The following GSN variants were observed in gnomAD, a reference collection of about 807,000 sequenced individuals.
The protein encoded by GSN is actin-depolymerizing factor.
A neutral mutation model predicts 85.7 loss-of-function variants in GSN; 56 were observed. The ratio of observed to expected loss-of-function variants is 0.65; its 90% CI spans 0.53 to 0.82. The LOEUF is 0.82. Among genes scored for constraint, GSN ranks in the 40% least tolerant of loss-of-function variants. GSN has a pLI of 0.00. For synonymous variants in GSN, 373 were observed against 399.1 expected (o/e 0.93, Z 0.78); for missense variants, 857 against 979.8 (o/e 0.87, Z 1.67).
chr9:121,271,268 T>G (rs2055904676), intron 1 of GSN, among the ~76,000 whole-genome samples: 1 of 152,098 alleles, frequency 6.6e-6, no homozygotes, highest in South Asian at 2.1e-4. Flanking sequence ...GTATGAGAAT[T>G]GCTTAAACCC....
At position 121,326,774 on chromosome 9, in the gene GSN, G is replaced by A. The variant is rs114085803; in HGVS notation, c.1587+92G>A. 2.8e-4 allele frequency: 323 copies of A among 1,151,346 alleles called. No homozygotes were observed. In the African/African-American group the frequency reaches 4.4e-3, roughly 16 times the overall value. 71.3% of individuals were successfully genotyped at this position (1,151,346 alleles called of 1,614,324 possible). ...ATCTCCAGGCACAGGAACGGGGGCA[G>A]GGGATGGTGAATGACGGGGTAAGAA... On this transcript the variant is annotated intron_variant, in intron 13 of 17. Coordinates refer to ENST00000432226, the MANE Select transcript of GSN (RefSeq NM_198252.3).
intron 14 of GSN, 169 bp from the exon 15 acceptor site, chr9:121,328,722 T>C: frequency 1.4e-6 from 1 of 729,428 alleles, no homozygotes; most frequent in Admixed American, 2.1e-5. Context: ...TTTCGTCACC[T>C]TCCAATTCCC....
intron 2 of GSN, among the ~76,000 whole-genome samples, chr9:121,297,068 C>T (rs2059289120): frequency 6.6e-6 from 1 of 152,220 alleles, no homozygotes. Flanking sequence ...CAGTTGCTGG[C>T]CCAGGTTCAG....
chr9:121,282,689 T>C (rs1293865365), intron 2 of GSN: 9 of 426,540 alleles, frequency 2.1e-5, no homozygotes, highest in Non-Finnish European at 3.4e-5. Flanking sequence ...GTAGCCCTAG[T>C]GCTGCCCTAA....
chr9:121,243,484 A>G (rs1443605098), intron 5 of GSN, among the ~76,000 whole-genome samples: 3 of 152,228 alleles, frequency 2.0e-5, no homozygotes, highest in Non-Finnish European at 4.4e-5. Flanking sequence ...AGCCTACCAC[A>G]GAGGGAATTT....
At chr9:121,281,897 A>G (rs1156456628) in intron 2 of GSN, 1 of 471,358 alleles carries the variant, frequency 2.1e-6, no homozygotes, top group Non-Finnish European at 4.4e-6. Context: ...ATTCTGTAGA[A>G]GAGCAGAGTC....
Position 121,318,136 on chromosome 9 carries a change from T to G in GSN, c.887-270T>G, listed in dbSNP as rs917121025. 6.6e-6 allele frequency among the ~76,000 whole-genome samples: 1 copy of G among 152,228 alleles called. No homozygotes were observed. Among genetic ancestry groups the G allele is most frequent in the Admixed American group, 6.5e-5 (1 of 15,282 alleles). On this transcript the variant is annotated intron_variant, in intron 8 of 17. Coordinates refer to ENST00000432226, the MANE Select transcript of GSN (RefSeq NM_198252.3). This position sits in a 1 kb window ranked among gnomAD's most constrained non-coding sequence, Gnocchi z 4.3. ...TATTACTTAAGACTATTCTGTGAATTAAATAATCTATGCATAGTTCTAAGC... is the reference window on the plus strand; with the variant it reads ...TATTACTTAAGACTATTCTGTGAATGAAATAATCTATGCATAGTTCTAAGC...
intron 4 of GSN, among the ~76,000 whole-genome samples, chr9:121,216,312 A>C (rs1468212334): frequency 6.6e-6 from 1 of 152,134 alleles, no homozygotes; most frequent in Non-Finnish European, 1.5e-5. Flanking sequence ...AAATCCAACT[A>C]TGTCACTCCC....
chr9:121,318,533 T>G lies in GSN; in HGVS notation c.975+39T>G, dbSNP rs751585030. The G allele has an allele frequency of 6.5e-7, 1 of 1,546,756 alleles. No homozygotes were observed. The highest frequency in any genetic ancestry group is 8.9e-7 in the Non-Finnish European group (1 of 1,118,750). ...GCCAGGTAGGATGGGAAGGGGTGGG[T>G]CCTGTTTGGAGGGGATGGGCTGGAG... is the stretch of plus-strand genomic sequence containing the variant. On this transcript the variant is annotated intron_variant, in intron 9 of 17. Coordinates refer to ENST00000432226, the MANE Select transcript of GSN (RefSeq NM_198252.3). This position sits in a 1 kb window ranked among gnomAD's most constrained non-coding sequence, Gnocchi z 4.3.
chr9:121,286,142 C>T (rs760582929), intron 2 of GSN: 22 of 1,535,488 alleles, frequency 1.4e-5, no homozygotes, highest in East Asian at 1.2e-4. Flanking sequence ...CCCAGCCTCG[C>T]GATGGCCGAG....
At chr9:121,325,255 TATTGG>T (rs1375663203) in intron 12 of GSN, among the ~76,000 whole-genome samples, 1 of 152,224 alleles carries the variant, frequency 6.6e-6, no homozygotes, top group African/African-American at 2.4e-5. Context: ...GGTAGGATCC[TATTGG>T]ATTAGAAAAG....
chr9:121,287,475 G>T (rs2058254356), intron 2 of GSN, among the ~76,000 whole-genome samples: 1 of 152,000 alleles, frequency 6.6e-6, no homozygotes, highest in Non-Finnish European at 1.5e-5. Context: ...GCTAGGGGTG[G>T]GGCCTGGGAA....
chr9:121,210,518 AG>A (rs2053952133), intron 3 of GSN, among the ~76,000 whole-genome samples: 2 of 152,190 alleles, frequency 1.3e-5, no homozygotes, highest in South Asian at 4.1e-4. Flanking sequence ...CAAGAGCCAG[AG>A]AGACAGCCAC....
intron 1 of GSN, among the ~76,000 whole-genome samples, chr9:121,270,651 C>T (rs1020095998): frequency 4.6e-5 from 7 of 152,100 alleles, no homozygotes; most frequent in African/African-American, 7.2e-5. Context: ...CCTCCAAGCC[C>T]GCCTCTTTCC....
chr9:121,304,522 T>C (rs1564491710), intron 4 of GSN, among the ~76,000 whole-genome samples: 1 of 152,374 alleles, frequency 6.6e-6, no homozygotes, highest in East Asian at 1.9e-4. Flanking sequence ...GTTGGAAGGC[T>C]ACCTTCTGTA....
rs947987673 is a variant in GSN, at chr9:121,287,214, C to G, written c.-10+5652C>G. Among the ~76,000 whole-genome samples the G allele has an allele frequency of 3.5e-4, 53 of 152,206 alleles. 1 individual carries two copies. Among genetic ancestry groups the G allele is most frequent in the African/African-American group, 1.0e-3 (42 of 41,546 alleles). On this transcript the variant is annotated intron_variant, in intron 2 of 17. Coordinates refer to ENST00000432226, the MANE Select transcript of GSN (RefSeq NM_198252.3). The stretch of plus-strand genomic sequence containing the variant: ...TCTGTGGGGCCTCTGGGTGACTCAG[C>G]CCTGAGTCACCGGGAGGCTGAGGAC...
chr9:121,326,831 A>C, intron 13 of GSN, 149 bp downstream of exon 13: 1 of 823,938 alleles, frequency 1.2e-6, no homozygotes, highest in Middle Eastern at 2.3e-4. Flanking sequence ...CCGTGGCCAC[A>C]GGGTTGTCTG....
At chr9:121,224,780 G>T (rs2054242534) in intron 4 of GSN, among the ~76,000 whole-genome samples, 1 of 147,570 alleles carries the variant, frequency 6.8e-6, no homozygotes, top group Non-Finnish European at 1.5e-5. Flanking sequence ...GAATTTGTAT[G>T]TATCACTAAT....
chr9:121,309,227 C>G (rs1235093081), intron 4 of GSN: 2 of 152,410 alleles, frequency 1.3e-5, no homozygotes, highest in East Asian at 3.9e-4. Context: ...TTTGACAACT[C>G]TGGGGCATGG....
Sources: allele counts gnomAD v4.1 joint callset (sites outside exome capture counted in the v4.1 genomes callset), GRCh38; gene constraint gnomAD v4.1.1; non-coding constraint Gnocchi (gnomAD v3.1); transcripts MANE v1.5; gene names NCBI Gene and HGNC (gene_info 2026-07-23, HGNC 2026-07-21).